PDE4D: variants seen among roughly 807,000 people sequenced by gnomAD.
PDE4D encodes 3',5'-cyclic-AMP phosphodiesterase 4D.
PDE4D carries 24 observed loss-of-function variants against 87.4 expected under a neutral mutation model. The ratio of observed to expected loss-of-function variants is 0.27; its 90% CI spans 0.20 to 0.39. The LOEUF (loss-of-function observed/expected upper bound fraction) is 0.39, where lower values mean the gene tolerates loss of function less well. Ranked by LOEUF, PDE4D falls within the 10% of genes least tolerant of loss-of-function variation. The pLI is 1.00. For missense variants in PDE4D, 714 were observed against 1,041.0 expected, an observed-to-expected ratio of 0.69 and a Z score of 4.32; for synonymous variants, 384 against 383.2, an observed-to-expected ratio of 1.00 and a Z score of -0.02.
intron 6 of PDE4D, 67 bp downstream of exon 6, chr5:59,038,792 A>G: frequency 7.3e-7 from 1 of 1,360,894 alleles, no homozygotes; most frequent in South Asian, 1.6e-5. Context: ...GGCTATGGGT[A>G]CCAGTGGCTC....
intron 1 of PDE4D, among the ~76,000 whole-genome samples, chr5:59,349,781 G>A (rs192288884): frequency 5.9e-5 from 9 of 152,058 alleles, no homozygotes; most frequent in Admixed American, 4.6e-4. Context: ...ACATCTCCTG[G>A]CATTCCACAT....
chr5:59,136,330 T>C (rs1256233516), intron 5 of PDE4D, among the ~76,000 whole-genome samples: 1 of 152,236 alleles, frequency 6.6e-6, no homozygotes, highest in African/African-American at 2.4e-5. Flanking sequence ...TAATATATTC[T>C]TTTTAGAAGA....
chr5:60,138,895 C>T (rs894877889), intron 2 of PDE4D, among the ~76,000 whole-genome samples: 9 of 152,060 alleles, frequency 5.9e-5, no homozygotes, highest in East Asian at 1.9e-4. Context: ...AATAAAATTG[C>T]GTTCAGGATA....
At chr5:60,446,192 A>G (rs1745625386) in intron 1 of PDE4D, among the ~76,000 whole-genome samples, 1 of 152,122 alleles carries the variant, frequency 6.6e-6, no homozygotes, top group Admixed American at 6.5e-5. Context: ...CTGGTAGGAG[A>G]ATAAACTGAA....
intron 2 of PDE4D, among the ~76,000 whole-genome samples, chr5:59,991,342 C>A (rs1421827656): frequency 6.6e-6 from 1 of 152,088 alleles, no homozygotes; most frequent in Non-Finnish European, 1.5e-5. Context: ...ACCAGCAGAT[C>A]TGGAATAGGA....
At position 59,403,187 on chromosome 5, in the gene PDE4D, A is replaced by AGATTGATT. The variant is rs771463744; in HGVS notation, c.456-187227_456-187220dup. On this transcript the variant is annotated intron_variant, in intron 1 of 14. Transcript: ENST00000340635. ...CAGACAGACAGACAGATAGATAGAT[A>AGATTGATT]GATTGATTGATTTATGGGGCCCACG... Among the ~76,000 whole-genome samples the AGATTGATT allele has an allele frequency of 2.0e-4, 30 of 150,868 alleles. No homozygotes were observed. The Middle Eastern group carries it at 0.01, about 52-fold the overall frequency.
intron 1 of PDE4D, among the ~76,000 whole-genome samples, chr5:59,506,058 G>T (rs1308032914): frequency 1.3e-5 from 2 of 152,084 alleles, no homozygotes; most frequent in African/African-American, 4.8e-5. Context: ...CCGTGAGAAA[G>T]TAGAAAGTGT....
intron 1 of PDE4D, among the ~76,000 whole-genome samples, chr5:59,593,144 T>C (rs1826146588): frequency 6.6e-6 from 1 of 152,070 alleles, no homozygotes; most frequent in Admixed American, 6.5e-5. Flanking sequence ...AAAACTACCT[T>C]CTGAAATGGA....
chr5:59,244,917 G>C (rs1758549156), intron 1 of PDE4D, among the ~76,000 whole-genome samples: 1 of 151,654 alleles, frequency 6.6e-6, no homozygotes, highest in Admixed American at 6.6e-5. Flanking sequence ...GACAGGTTAT[G>C]TGTATTTTAT....
chr5:59,602,620 T>G (rs1827670701), intron 1 of PDE4D, among the ~76,000 whole-genome samples: 1 of 152,012 alleles, frequency 6.6e-6, no homozygotes, highest in African/African-American at 2.4e-5. Flanking sequence ...TACAAAACAA[T>G]CTACAGATTC....
intron 2 of PDE4D, among the ~76,000 whole-genome samples, chr5:60,124,857 A>G (rs11949645): frequency 0.52 from 79,164 of 151,814 alleles, 21,009 homozygotes; most frequent in Admixed American, 0.57. Flanking sequence ...AGGTCTTCTC[A>G]GTGCTAAATT....
chr5:60,016,945 A>G (rs1026669062), intron 2 of PDE4D, among the ~76,000 whole-genome samples: 1 of 152,230 alleles, frequency 6.6e-6, no homozygotes, highest in African/African-American at 2.4e-5. Flanking sequence ...CAGATCCTTT[A>G]GAGAAATCAC....
intron 5 of PDE4D, among the ~76,000 whole-genome samples, chr5:59,053,688 G>A (rs7715430): frequency 0.016 from 2,022 of 125,962 alleles, 54 homozygotes; most frequent in African/African-American, 0.057. Context: ...AGGCACGGTC[G>A]CTCATGCCTG....
At chr5:60,049,052 G>T (rs1769723459) in intron 2 of PDE4D, among the ~76,000 whole-genome samples, 3 of 152,152 alleles carry the variant, frequency 2.0e-5, no homozygotes, top group Non-Finnish European at 4.4e-5. Flanking sequence ...TTTCTTGGAG[G>T]GTTTGCCCGT....
In PDE4D at chr5:59,181,543, G is replaced by GATATATATATATATATATATAT. The variant is rs3061466; in HGVS notation, c.759-921_759-900dup. ...CTTTTAGATACATTCAAAGATGTCT[G>GATATATATATATATATATATAT]ATATATATATATATATATATATATA... On this transcript the variant is annotated intron_variant, in intron 4 of 14. Coordinates refer to ENST00000340635, the MANE Select transcript of PDE4D (RefSeq NM_001104631.2). Among the ~76,000 whole-genome samples the GATATATATATATATATATATAT allele has an allele frequency of 2.4e-3, 287 of 118,742 alleles. 8 individuals carry two copies. Among genetic ancestry groups the GATATATATATATATATATATAT allele is most frequent in the African/African-American group, 8.7e-3 (230 of 26,302 alleles). 77.9% of individuals were successfully genotyped at this position (118,742 alleles called of 152,430 possible). A position where few individuals can be genotyped will look rare whatever the true frequency, so the allele number is the denominator to read the frequency against.
chr5:60,499,409 G>A (rs1749964757), intron 1 of PDE4D, among the ~76,000 whole-genome samples: 1 of 152,140 alleles, frequency 6.6e-6, no homozygotes, highest in African/African-American at 2.4e-5. Flanking sequence ...TGAGATTTCA[G>A]CAGTTCTTCC....
At chr5:59,194,265 ATTTC>A (rs1744970628) in intron 2 of PDE4D, among the ~76,000 whole-genome samples, 1 of 152,208 alleles carries the variant, frequency 6.6e-6, no homozygotes, top group Non-Finnish European at 1.5e-5. Context: ...CTTTTGTGGT[ATTTC>A]TTAGCATGAA....
At chr5:60,337,532 T>G (rs1277662445) in intron 1 of PDE4D, among the ~76,000 whole-genome samples, 1 of 151,512 alleles carries the variant, frequency 6.6e-6, no homozygotes. Context: ...TCTGGTGGTA[T>G]ACACATGACT....
At chr5:60,492,685 T>C (rs1749594476), upstream of PDE4D, among the ~76,000 whole-genome samples, 1 of 152,016 alleles carries the variant, frequency 6.6e-6, no homozygotes, top group African/African-American at 2.4e-5. Context: ...AGGTGGGAAC[T>C]GAACAATGAG....
Sources: allele counts gnomAD v4.1 joint callset (sites outside exome capture counted in the v4.1 genomes callset), GRCh38; gene constraint gnomAD v4.1.1; transcripts MANE v1.5; gene names NCBI Gene and HGNC (gene_info 2026-07-23, HGNC 2026-07-21).